The following L3MBTL4 variants were observed in gnomAD, a reference collection of about 807,000 sequenced individuals.
The protein encoded by L3MBTL4 is L3MBTL histone methyl-lysine binding protein 4.
L3MBTL4 carries 70 observed loss-of-function variants against 84.5 expected under a neutral mutation model. The ratio of observed to expected loss-of-function variants is 0.83; its 90% CI spans 0.68 to 1.01. L3MBTL4 has a LOEUF of 1.01. Ranked by LOEUF, L3MBTL4 falls within the 50% of genes least tolerant of loss-of-function variation. The pLI is 0.00. For synonymous variants in L3MBTL4, 274 were observed against 259.8 expected (o/e 1.05, Z -0.52); for missense variants, 715 against 754.8 (o/e 0.95, Z 0.62).
intron 16 of L3MBTL4, among the ~76,000 whole-genome samples, chr18:6,005,268 C>T (rs931653376): frequency 3.3e-5 from 5 of 151,718 alleles, no homozygotes; most frequent in African/African-American, 4.8e-5. Context: ...ATTGCTTGAA[C>T]CCGGGAGGCA....
intron 1 of L3MBTL4, among the ~76,000 whole-genome samples, chr18:6,355,993 T>A (rs368295582): frequency 4.2e-4 from 64 of 152,278 alleles, no homozygotes; most frequent in African/African-American, 1.5e-3. Context: ...AGTAGCAGGC[T>A]TGAGACCTCT....
intron 16 of L3MBTL4, among the ~76,000 whole-genome samples, chr18:6,063,577 G>C (rs879856657): frequency 2.0e-5 from 3 of 151,622 alleles, no homozygotes; most frequent in Non-Finnish European, 4.4e-5. Flanking sequence ...GAGTAAGGTG[G>C]TATCTCATTG....
intron 16 of L3MBTL4, among the ~76,000 whole-genome samples, chr18:6,005,476 C>T (rs1027835940): frequency 3.3e-5 from 5 of 152,062 alleles, no homozygotes; most frequent in Admixed American, 3.3e-4. Context: ...GTTTTTAGAT[C>T]TTCTCTCTCC....
intron 12 of L3MBTL4, among the ~76,000 whole-genome samples, chr18:6,173,771 C>A (rs1046010370): frequency 6.6e-6 from 1 of 152,060 alleles, no homozygotes; most frequent in Admixed American, 6.5e-5. Context: ...CACAGCAAGA[C>A]CCTGTCTCAA....
At chr18:6,316,748 G>T (rs996419360) in intron 1 of L3MBTL4, among the ~76,000 whole-genome samples, 1 of 152,150 alleles carries the variant, frequency 6.6e-6, no homozygotes, top group East Asian at 1.9e-4. Flanking sequence ...GAGTGCATCT[G>T]GGAGTTGGAT....
chr18:6,373,072 G>T (rs2054222362), intron 1 of L3MBTL4, among the ~76,000 whole-genome samples: 1 of 152,092 alleles, frequency 6.6e-6, no homozygotes, highest in Non-Finnish European at 1.5e-5. Flanking sequence ...TTCATTAAAT[G>T]TTATGTTAAT....
intron 16 of L3MBTL4, chr18:6,031,807 C>T (rs2055814404): frequency 1.1e-6 from 1 of 935,088 alleles, no homozygotes; most frequent in Non-Finnish European, 1.2e-6. Context: ...AAATCAGATT[C>T]ATGGTTTTTT....
chr18:6,287,236 A>T (rs2049635412), intron 4 of L3MBTL4, among the ~76,000 whole-genome samples: 1 of 152,186 alleles, frequency 6.6e-6, no homozygotes, highest in Non-Finnish European at 1.5e-5. Context: ...TATAGGGATC[A>T]TTTAAACAGG....
intron 1 of L3MBTL4, among the ~76,000 whole-genome samples, chr18:6,331,149 C>T (rs1255077729): frequency 4.6e-5 from 7 of 152,050 alleles, no homozygotes; most frequent in African/African-American, 1.7e-4. Context: ...GCTTTTTATT[C>T]CTATCTGGGG....
At chr18:6,037,823 T>C (rs1279404394) in intron 16 of L3MBTL4, among the ~76,000 whole-genome samples, 1 of 152,192 alleles carries the variant, frequency 6.6e-6, no homozygotes, top group East Asian at 1.9e-4. Flanking sequence ...TGAAATCATA[T>C]AGGAGAGGCT....
At chr18:6,304,452 T>C (rs1375916564) in intron 3 of L3MBTL4, among the ~76,000 whole-genome samples, 1 of 152,248 alleles carries the variant, frequency 6.6e-6, no homozygotes, top group African/African-American at 2.4e-5. Flanking sequence ...CTTCTTAACA[T>C]GCATTTGAAT....
chr18:5,970,806 T>C (rs966835255), intron 16 of L3MBTL4, among the ~76,000 whole-genome samples: 22 of 152,356 alleles, frequency 1.4e-4, no homozygotes, highest in African/African-American at 5.3e-4. Context: ...CAGCTTTTAG[T>C]AGGTGAGGCT....
intron 5 of L3MBTL4, chr18:6,261,032 G>A (rs1436618084): frequency 6.6e-6 from 1 of 152,132 alleles, no homozygotes; most frequent in East Asian, 1.9e-4. Flanking sequence ...CAAATCAGAC[G>A]GAATAATTGG....
intron 14 of L3MBTL4, among the ~76,000 whole-genome samples, chr18:6,127,707 T>G (rs1247227877): frequency 6.6e-6 from 1 of 152,164 alleles, no homozygotes; most frequent in Non-Finnish European, 1.5e-5. Flanking sequence ...AGTCTGCAGA[T>G]AGAGGATGCT....
chr18:6,236,232 T>C (rs2047209779), intron 10 of L3MBTL4, among the ~76,000 whole-genome samples: 1 of 152,202 alleles, frequency 6.6e-6, no homozygotes, highest in South Asian at 2.1e-4. Flanking sequence ...CTGGTATAAA[T>C]TGGACATACG....
At chr18:6,314,136 T>C (rs961635500) in intron 1 of L3MBTL4, among the ~76,000 whole-genome samples, 2 of 152,192 alleles carry the variant, frequency 1.3e-5, no homozygotes, top group Admixed American at 6.5e-5. Context: ...TAATCCTTTA[T>C]AATGTCAATG....
At chr18:6,385,388 C>T (rs1019502943) in intron 1 of L3MBTL4, among the ~76,000 whole-genome samples, 8 of 152,026 alleles carry the variant, frequency 5.3e-5, no homozygotes, top group African/African-American at 1.7e-4. Context: ...GGTGACAGAG[C>T]GAGACCCTGT....
intron 16 of L3MBTL4, among the ~76,000 whole-genome samples, chr18:5,981,081 A>T (rs2053188118): frequency 6.6e-6 from 1 of 152,052 alleles, no homozygotes; most frequent in Non-Finnish European, 1.5e-5. Context: ...TGTTCACACA[A>T]ATCAAATGTG....
intron 15 of L3MBTL4, 41 bp downstream of exon 15, chr18:6,093,314 A>T: frequency 6.6e-7 from 1 of 1,504,974 alleles, no homozygotes; most frequent in Non-Finnish European, 9.0e-7. Context: ...ACTATTCTAC[A>T]TGGTTTACTT....
Sources: gnomAD v4.1 joint callset for allele counts (sites outside exome capture counted in the v4.1 genomes callset) on GRCh38, gnomAD v4.1.1 for gene constraint, MANE v1.5 for transcripts, NCBI Gene and HGNC (gene_info 2026-07-23, HGNC 2026-07-21) for gene names.